The following ST6GALNAC3 variants were observed in gnomAD, a reference collection of about 807,000 sequenced individuals.
ST6GALNAC3 encodes alpha-N-acetylgalactosaminide alpha-2,6-sialyltransferase 3.
A neutral mutation model predicts 32.7 loss-of-function variants in ST6GALNAC3; 25 were observed. That is an observed-to-expected ratio of 0.76 (90% CI 0.56 to 1.07). The LOEUF is 1.07. Ranked by LOEUF, ST6GALNAC3 falls within the 50% of genes least tolerant of loss-of-function variation. The pLI, the probability that ST6GALNAC3 is intolerant of heterozygous loss-of-function variation, is 0.00. For missense variants in ST6GALNAC3, 355 were observed against 382.4 expected (o/e 0.93, Z 0.60); for synonymous variants, 129 against 133.1 (o/e 0.97, Z 0.21).
intron 1 of ST6GALNAC3, among the ~76,000 whole-genome samples, chr1:76,244,332 G>A (rs1477433386): frequency 7.2e-5 from 11 of 151,962 alleles, no homozygotes; most frequent in East Asian, 3.9e-4. Flanking sequence ...GCTTATCAGC[G>A]TAAGGAGTTT....
At chr1:76,156,310 T>C (rs1166464062) in intron 1 of ST6GALNAC3, among the ~76,000 whole-genome samples, 1 of 116,194 alleles carries the variant, frequency 8.6e-6, no homozygotes, top group Non-Finnish European at 2.2e-5. Context: ...TTTTATACTG[T>C]ACTATCACAA....
At chr1:76,275,840 T>A (rs1659102732) in intron 1 of ST6GALNAC3, among the ~76,000 whole-genome samples, 1 of 152,208 alleles carries the variant, frequency 6.6e-6, no homozygotes, top group Non-Finnish European at 1.5e-5. Flanking sequence ...GCATTTACTG[T>A]CTTGTATATC....
At chr1:76,514,439 A>C (rs1343456633) in intron 3 of ST6GALNAC3, among the ~76,000 whole-genome samples, 2 of 152,106 alleles carry the variant, frequency 1.3e-5, no homozygotes, top group Non-Finnish European at 2.9e-5. Context: ...GCAGCACTGG[A>C]AAGTGGGGCC....
intron 1 of ST6GALNAC3, among the ~76,000 whole-genome samples, chr1:76,195,138 T>G (rs1225830447): frequency 6.6e-6 from 1 of 152,224 alleles, no homozygotes; most frequent in Non-Finnish European, 1.5e-5. Context: ...AATTTTTGCT[T>G]GAAAACAAGG....
At chr1:76,525,316 A>C (rs1415993788) in intron 3 of ST6GALNAC3, among the ~76,000 whole-genome samples, 1 of 152,136 alleles carries the variant, frequency 6.6e-6, no homozygotes, top group Non-Finnish European at 1.5e-5. Context: ...AAAATAGATA[A>C]GACTATCAGA....
intron 1 of ST6GALNAC3, among the ~76,000 whole-genome samples, chr1:76,208,049 C>CACA (rs1553165404): frequency 2.0e-5 from 1 of 51,100 alleles, no homozygotes; most frequent in Non-Finnish European, 4.2e-5. Flanking sequence ...GTGCCCCCCC[C>CACA]CCCAAAAAAT....
chr1:76,459,423 G>A lies in ST6GALNAC3; in HGVS notation c.623+47006G>A, dbSNP rs140602493. 4.6e-3 allele frequency among the ~76,000 whole-genome samples: 693 copies of A among 152,200 alleles called. 5 individuals carry two copies. Among genetic ancestry groups the A allele is most frequent in the African/African-American group, 0.015 (642 of 41,522 alleles). ...ACTAAAAATACAAAAAATTAGCCAC[G>A]CGTGGTGGCGGGCACCTGTAGTCCC... On this transcript the variant is annotated intron_variant, in intron 3 of 4. Transcript: ENST00000328299.
downstream of ST6GALNAC3, among the ~76,000 whole-genome samples, chr1:76,635,851 G>A (rs1465893320): frequency 1.3e-5 from 2 of 152,126 alleles, no homozygotes; most frequent in South Asian, 4.1e-4. Context: ...TGGAAGTGAT[G>A]TATATCACTC....
chr1:76,413,389 G>A (rs1654402500), intron 3 of ST6GALNAC3, among the ~76,000 whole-genome samples: 1 of 152,120 alleles, frequency 6.6e-6, no homozygotes, highest in Non-Finnish European at 1.5e-5. Context: ...GATAAATTGA[G>A]CATCTGCTAT....
intron 1 of ST6GALNAC3, among the ~76,000 whole-genome samples, chr1:76,307,605 T>A (rs1198511336): frequency 2.0e-5 from 3 of 152,122 alleles, no homozygotes; most frequent in Admixed American, 2.0e-4. Flanking sequence ...TGAACAAAAG[T>A]GTATGCTTTT....
chr1:76,457,236 C>A (rs1657886266), intron 3 of ST6GALNAC3, among the ~76,000 whole-genome samples: 1 of 152,212 alleles, frequency 6.6e-6, no homozygotes, highest in East Asian at 1.9e-4. Flanking sequence ...ATTCCATGCT[C>A]ATGGATAGGA....
chr1:76,501,449 C>G (rs1344017896), intron 3 of ST6GALNAC3, among the ~76,000 whole-genome samples: 1 of 152,194 alleles, frequency 6.6e-6, no homozygotes, highest in Non-Finnish European at 1.5e-5. Context: ...TCCTTCCTTC[C>G]TTCTTTCTTT....
intron 1 of ST6GALNAC3, among the ~76,000 whole-genome samples, chr1:76,158,954 C>T (rs1264026126): frequency 6.6e-6 from 1 of 152,130 alleles, no homozygotes; most frequent in African/African-American, 2.4e-5. Context: ...GCCAGGATCC[C>T]CACTCAGGCC....
chr1:76,167,980 A>G (rs868627626), intron 1 of ST6GALNAC3, among the ~76,000 whole-genome samples: 1 of 151,378 alleles, frequency 6.6e-6, no homozygotes, highest in Non-Finnish European at 1.5e-5. Flanking sequence ...TCATGTCTCA[A>G]TTTTCTTCTG....
chr1:76,082,867 C>T (rs1036987442), intron 1 of ST6GALNAC3, among the ~76,000 whole-genome samples: 7 of 149,436 alleles, frequency 4.7e-5, no homozygotes, highest in African/African-American at 9.8e-5. Flanking sequence ...GGGTCGTTTT[C>T]GTGTTTTTTG....
At chr1:76,566,844 T>C (rs1434793260) in intron 3 of ST6GALNAC3, among the ~76,000 whole-genome samples, 1 of 152,220 alleles carries the variant, frequency 6.6e-6, no homozygotes, top group African/African-American at 2.4e-5. Context: ...GCACCTAGAA[T>C]AATACCTGGC....
At chr1:76,269,897 G>A (rs1008131436) in intron 1 of ST6GALNAC3, among the ~76,000 whole-genome samples, 2 of 152,052 alleles carry the variant, frequency 1.3e-5, no homozygotes, top group Non-Finnish European at 2.9e-5. Flanking sequence ...AGGGGATGCC[G>A]TAATGCATGT....
chr1:76,082,906 T>A (rs1008334550), intron 1 of ST6GALNAC3, among the ~76,000 whole-genome samples: 1 of 152,092 alleles, frequency 6.6e-6, no homozygotes, highest in African/African-American at 2.4e-5. Context: ...TGTTTCTCTG[T>A]GCACACATAG....
At chr1:76,123,749 A>ATTTTTTTT (rs767734132) in intron 1 of ST6GALNAC3, among the ~76,000 whole-genome samples, 28 of 94,294 alleles carry the variant, frequency 3.0e-4, no homozygotes, top group Admixed American at 3.0e-4. Flanking sequence ...ACTCATTTTA[A>ATTTTTTTT]TTTTTTTTTT....
Sources: allele counts gnomAD v4.1 joint callset (sites outside exome capture counted in the v4.1 genomes callset), GRCh38; gene constraint gnomAD v4.1.1; transcripts MANE v1.5; gene names NCBI Gene and HGNC (gene_info 2026-07-23, HGNC 2026-07-21).